The following LCORL variants were observed in gnomAD, a reference collection of about 807,000 sequenced individuals.
LCORL encodes the protein ligand dependent nuclear receptor corepressor like.
Under a neutral mutation model 141.8 loss-of-function variants are expected in LCORL, and 41 were observed. That is an observed-to-expected ratio of 0.29 (90% CI 0.23 to 0.38). The LOEUF is 0.38. Among genes scored for constraint, LCORL ranks in the 10% least tolerant of loss-of-function variants. The probability of loss-of-function intolerance (pLI) is 1.00; values close to 1 mark genes in which losing one functional copy is unlikely to be tolerated. For missense variants in LCORL, 1,759 were observed against 2,035.0 expected, an observed-to-expected ratio of 0.86 and a Z score of 2.61; for synonymous variants, 618 against 694.1, an observed-to-expected ratio of 0.89 and a Z score of 1.72.
At chr4:17,952,770 T>C (rs1711682527) in intron 4 of LCORL, among the ~76,000 whole-genome samples, 1 of 152,126 alleles carries the variant, frequency 6.6e-6, no homozygotes, top group East Asian at 1.9e-4. Flanking sequence ...TGCATGTCTG[T>C]TATTACAAGC....
intron 7 of LCORL, among the ~76,000 whole-genome samples, chr4:17,869,423 T>C (rs1726075561): frequency 6.6e-6 from 1 of 152,114 alleles, no homozygotes; most frequent in South Asian, 2.1e-4. Context: ...TAAGATAAAC[T>C]CTTGTTGCTA....
chr4:17,966,193 G>T (rs560960171), intron 2 of LCORL, among the ~76,000 whole-genome samples: 2 of 151,786 alleles, frequency 1.3e-5, no homozygotes, highest in Non-Finnish European at 2.9e-5. Context: ...ATTTTATGCC[G>T]CTTAAAAAAC....
intron 4 of LCORL, chr4:17,912,290 A>C: frequency 1.5e-6 from 1 of 683,114 alleles, no homozygotes; most frequent in Non-Finnish European, 2.7e-6. Context: ...ACTTGGCTGC[A>C]GCTGGAGACA....
chr4:17,858,685 G>A (rs1284198203), intron 7 of LCORL, among the ~76,000 whole-genome samples: 3 of 151,674 alleles, frequency 2.0e-5, no homozygotes, highest in South Asian at 2.1e-4. Flanking sequence ...CCAAGATCGC[G>A]CCATTGCCCT....
At chr4:17,937,929 T>C (rs1737131499) in intron 4 of LCORL, among the ~76,000 whole-genome samples, 1 of 152,074 alleles carries the variant, frequency 6.6e-6, no homozygotes, top group East Asian at 1.9e-4. Flanking sequence ...TTTAATATAA[T>C]TTTCAAATTA....
chr4:17,874,830 G>C, exon 7 of LCORL: 2 of 1,233,682 alleles, frequency 1.6e-6, no homozygotes, highest in Non-Finnish European at 2.0e-6. Flanking sequence ...GTTTCTTGGG[G>C]TATCTTTGTA....
intron 2 of LCORL, among the ~76,000 whole-genome samples, chr4:17,964,837 T>C (rs1346715206): frequency 1.3e-5 from 2 of 151,542 alleles, no homozygotes; most frequent in Admixed American, 6.6e-5. Context: ...CGTAACATAA[T>C]TCTGATAGGT....
exon 4 of LCORL, chr4:17,961,916 G>C: frequency 6.2e-7 from 1 of 1,608,634 alleles, no homozygotes; most frequent in East Asian, 2.2e-5. Flanking sequence ...TCTTTCGAAA[G>C]AGTGCATTTA....
At chr4:17,923,865 C>A (rs527291719) in intron 4 of LCORL, among the ~76,000 whole-genome samples, 118 of 152,150 alleles carry the variant, frequency 7.8e-4, no homozygotes, top group South Asian at 8.3e-4. Flanking sequence ...GGCAGCACTG[C>A]GTCTTTCCCG....
chr4:18,001,184 CA>C (rs1321912375), intron 1 of LCORL, among the ~76,000 whole-genome samples: 1 of 152,034 alleles, frequency 6.6e-6, no homozygotes, highest in Non-Finnish European at 1.5e-5. Context: ...AACAAACAAA[CA>C]AAAACCAAAA....
At chr4:18,002,900 G>T (rs1207608888) in intron 1 of LCORL, among the ~76,000 whole-genome samples, 1 of 152,170 alleles carries the variant, frequency 6.6e-6, no homozygotes, top group Non-Finnish European at 1.5e-5. Context: ...CTGCACCAGT[G>T]AATTCACTAA....
intron 5 of LCORL, among the ~76,000 whole-genome samples, chr4:17,899,567 A>G (rs1255076280): frequency 6.6e-6 from 1 of 152,172 alleles, no homozygotes; most frequent in Non-Finnish European, 1.5e-5. Flanking sequence ...AGAAATGTAA[A>G]TTTTGTTCTT....
chr4:17,965,609 T>C (rs376182864), intron 2 of LCORL, among the ~76,000 whole-genome samples: 1 of 152,156 alleles, frequency 6.6e-6, no homozygotes, highest in Non-Finnish European at 1.5e-5. Context: ...TATACTCTTA[T>C]AGTTAAAATC....
At chr4:17,968,737 A>G (rs1715394557) in intron 2 of LCORL, among the ~76,000 whole-genome samples, 1 of 152,220 alleles carries the variant, frequency 6.6e-6, no homozygotes, top group Non-Finnish European at 1.5e-5. Context: ...ACTATGTCCA[A>G]TAAAACTTTA....
At chr4:17,959,323 A>G (rs894603887) in intron 4 of LCORL, among the ~76,000 whole-genome samples, 1 of 152,070 alleles carries the variant, frequency 6.6e-6, no homozygotes, top group African/African-American at 2.4e-5. Flanking sequence ...TTTTCTACTT[A>G]GTACTTAAAA....
intron 4 of LCORL, among the ~76,000 whole-genome samples, chr4:17,957,513 T>C (rs1164720224): frequency 6.6e-6 from 1 of 151,970 alleles, no homozygotes; most frequent in Non-Finnish European, 1.5e-5. Context: ...GGTAGGAGAC[T>C]GGGTCAAATT....
rs1716233363 is a variant in LCORL at position 17,972,810 on chromosome 4, T to A, written c.220+10A>T. 1 of 1,390,396 alleles carries A rather than the reference T, an allele frequency of 7.2e-7. No individual in the cohort carries two copies. The highest frequency in any genetic ancestry group is 9.4e-7 in the Non-Finnish European group (1 of 1,060,412). The allele number at this position is 1,390,396 out of a possible 1,614,324, so 86.1% of individuals were successfully genotyped here. ...AAATGACAACTTTTAAATAAAATTT[T>A]AAAAATTACCTTCAAATAAACTGAG... On this transcript the variant is annotated intron_variant, in intron 2 of 7. Transcript: ENST00000635767.
In LCORL at chr4:17,853,238, T is replaced by C. The variant is rs192721430; in HGVS notation, c.5603-7337A>G. ...GTTCTAATTCTGTCATGATTCTCCA[T>C]GTTAATACCCATTTTTCTATTCTTC... is the stretch of plus-strand genomic sequence containing the variant. On this transcript the variant is annotated intron_variant, in intron 7 of 7. Coordinates refer to ENST00000635767, the Ensembl canonical transcript of LCORL. Among the ~76,000 whole-genome samples, 13 of 152,180 alleles carry C rather than the reference T, an allele frequency of 8.5e-5. No individual in the cohort carries two copies. In the East Asian group the frequency reaches 2.3e-3, roughly 27 times the overall value.
intron 4 of LCORL, among the ~76,000 whole-genome samples, chr4:17,926,489 T>C (rs1346205935): frequency 6.6e-6 from 1 of 152,210 alleles, no homozygotes; most frequent in African/African-American, 2.4e-5. Context: ...CCTACACCAA[T>C]GGTTTGACAG....
Sources: allele counts gnomAD v4.1 joint callset (sites outside exome capture counted in the v4.1 genomes callset), GRCh38; gene constraint gnomAD v4.1.1; transcripts MANE v1.5; gene names NCBI Gene and HGNC (gene_info 2026-07-23, HGNC 2026-07-21).